The following PAFAH1B2 variants were observed in gnomAD, a reference collection of about 807,000 sequenced individuals.
The protein encoded by PAFAH1B2 is platelet activating factor acetylhydrolase 1b catalytic subunit 2.
PAFAH1B2 carries 8 observed loss-of-function variants against 28.0 expected under a neutral mutation model. That is an observed-to-expected ratio of 0.29 (90% confidence interval 0.17 to 0.52). PAFAH1B2 has a LOEUF of 0.52. Among genes scored for constraint, PAFAH1B2 ranks in the 20% least tolerant of loss-of-function variants. The pLI is 0.97. For missense variants in PAFAH1B2, 190 were observed against 282.6 expected (o/e 0.67, Z 2.35); for synonymous variants, 104 against 103.2 (o/e 1.01, Z -0.05).
downstream of PAFAH1B2, chr11:117,175,006 A>C: frequency 6.9e-7 from 1 of 1,445,414 alleles, no homozygotes; most frequent in Non-Finnish European, 9.1e-7. Flanking sequence ...TGTGACTTAA[A>C]ATGGAGCTGG....
chr11:117,158,911 C>T (rs1356355361), intron 2 of PAFAH1B2, among the ~76,000 whole-genome samples: 1 of 152,110 alleles, frequency 6.6e-6, no homozygotes, highest in South Asian at 2.1e-4. Flanking sequence ...TCCCAAAGTG[C>T]TGGGATTACC....
At position 117,154,706 on chromosome 11, in the gene PAFAH1B2, AGT is replaced by A. The variant is rs111430847; in HGVS notation, c.81+2181_81+2182del. Among the ~76,000 whole-genome samples the A allele has an allele frequency of 2.6e-3, 401 of 152,284 alleles. 2 individuals carry two copies. Among genetic ancestry groups the A allele is most frequent in the Middle Eastern group, 0.017 (5 of 294 alleles). ...TGATCCTCCTGCCTCAGCCTCCCAA[AGT>A]GTTGGGATTACAGGCATGAGCCACC... is the stretch of plus-strand genomic sequence containing the variant. On this transcript the variant is annotated intron_variant, in intron 2 of 5. Coordinates refer to ENST00000527958, the MANE Select transcript of PAFAH1B2 (RefSeq NM_002572.4).
chr11:117,148,714 G>A (rs1459865900), intron 1 of PAFAH1B2, among the ~76,000 whole-genome samples: 4 of 152,070 alleles, frequency 2.6e-5, no homozygotes, highest in Non-Finnish European at 5.9e-5. Flanking sequence ...CTTAAGCCTA[G>A]GAGTTTGAAT....
chr11:117,153,544 C>G (rs79996795), intron 2 of PAFAH1B2, among the ~76,000 whole-genome samples: 1 of 152,086 alleles, frequency 6.6e-6, no homozygotes, highest in Admixed American at 6.6e-5. Context: ...GCGCCCGCCA[C>G]CACGCTCAGC....
exon 6 of PAFAH1B2, chr11:117,176,127 T>C (rs2029969632): frequency 8.6e-6 from 5 of 584,184 alleles, no homozygotes; most frequent in South Asian, 4.3e-5. Flanking sequence ...GAGGTACTAA[T>C]GGGCTGAAGT....
downstream of PAFAH1B2, among the ~76,000 whole-genome samples, chr11:117,173,275 G>A (rs1249000066): frequency 6.6e-6 from 1 of 152,164 alleles, no homozygotes; most frequent in African/African-American, 2.4e-5. Flanking sequence ...AATGGAAAGT[G>A]ACTGACCTAT....
intron 1 of PAFAH1B2, among the ~76,000 whole-genome samples, chr11:117,150,179 A>C (rs1162491079): frequency 2.0e-5 from 3 of 152,144 alleles, no homozygotes; most frequent in Non-Finnish European, 4.4e-5. Flanking sequence ...TAAATTAATA[A>C]TTTTTTGGTT....
downstream of PAFAH1B2, among the ~76,000 whole-genome samples, chr11:117,172,378 ATATATATATATATATATATATATATATTT>A (rs1956678472): frequency 1.2e-3 from 9 of 7,780 alleles, 1 homozygote; most frequent in East Asian, 8.3e-3. Context: ...ATATATATAT[ATATATATATATATATATATATATATATTT>A]TTTTTTTTTT....
At chr11:117,146,110 CTTTCTT>C (rs1391363981) in intron 1 of PAFAH1B2, among the ~76,000 whole-genome samples, 23 of 105,542 alleles carry the variant, frequency 2.2e-4, no homozygotes, top group East Asian at 7.0e-4. Context: ...CTTGGTCTTT[CTTTCTT>C]TTTTTTTTTT....
rs1471448613 is a variant in PAFAH1B2, at chr11:117,169,585, T to A, written c.*1886T>A. ...TTGTGAAGTCTCTTTCTAGAAAATT[T>A]TTTGGTTTTGTTCTTTTTAAAAAAT... On this transcript the variant is annotated 3_prime_UTR_variant, in exon 6 of 6. Transcript: ENST00000527958. The A allele has an allele frequency of 1.9e-6, 2 of 1,054,282 alleles. No homozygotes were observed. The highest frequency in any genetic ancestry group is 2.3e-6 in the Non-Finnish European group (2 of 872,142). 65.3% of individuals were successfully genotyped at this position (1,054,282 alleles called of 1,614,324 possible).
At chr11:117,164,891 C>G (rs550247741) in intron 5 of PAFAH1B2, among the ~76,000 whole-genome samples, 1 of 151,804 alleles carries the variant, frequency 6.6e-6, no homozygotes, top group Non-Finnish European at 1.5e-5. Flanking sequence ...AAAAAATTAG[C>G]TGGGCGTGGT....
chr11:117,161,653 C>T (rs567761988), intron 4 of PAFAH1B2, among the ~76,000 whole-genome samples: 7 of 151,768 alleles, frequency 4.6e-5, no homozygotes, highest in Non-Finnish European at 7.4e-5. Flanking sequence ...GGATTACAGG[C>T]GCCGCCACTG....
intron 1 of PAFAH1B2, among the ~76,000 whole-genome samples, chr11:117,149,891 G>A (rs924995520): frequency 2.6e-5 from 4 of 152,014 alleles, no homozygotes; most frequent in Admixed American, 6.6e-5. Context: ...TCAGGAGTTC[G>A]AGACCAGTCT....
chr11:117,149,622 C>T (rs1261353715), intron 1 of PAFAH1B2, among the ~76,000 whole-genome samples: 4 of 148,418 alleles, frequency 2.7e-5, no homozygotes, highest in Non-Finnish European at 4.5e-5. Context: ...TTAGTAGATA[C>T]GGGGTTTCAC....
At position 117,168,445 on chromosome 11, in the gene PAFAH1B2, C is replaced by CTTTTTTTTTTTTTT. The variant is rs1565274998; in HGVS notation, c.*746_*747insTTTTTTTTTTTTTT. 6 of 354,302 alleles carry CTTTTTTTTTTTTTT rather than the reference C, an allele frequency of 1.7e-5. No individual in the cohort carries two copies. Among genetic ancestry groups the CTTTTTTTTTTTTTT allele is most frequent in the Non-Finnish European group, 2.0e-5 (6 of 293,422 alleles). The allele number at this position is 354,302 out of a possible 1,614,324, so 21.9% of individuals were successfully genotyped here. On this transcript the variant is annotated 3_prime_UTR_variant, in exon 6 of 6. Transcript: ENST00000527958. ...TTCCCCTTCATTCCCCCCGCCACCC[C>CTTTTTTTTTTTTTT]GTTTTTTTTTTTTTTTTTTTTTTTT...
At position 117,161,098 on chromosome 11, in the gene PAFAH1B2, C is replaced by G. The variant is rs759868106; in HGVS notation, c.172-47C>G. The G allele has an allele frequency of 3.3e-6, 4 of 1,221,950 alleles. No homozygotes were observed. The South Asian group carries it at 5.2e-5, about 16-fold the overall frequency. 75.7% of individuals were successfully genotyped at this position (1,221,950 alleles called of 1,614,324 possible). Reference sequence around the variant, plus strand: ...AACACATTGCAGTCGAAAGATTAAACTTTCCCCTAGTTTTAGGTACACTAA... The same window carrying G: ...AACACATTGCAGTCGAAAGATTAAAGTTTCCCCTAGTTTTAGGTACACTAA... On this transcript the variant is annotated intron_variant, in intron 3 of 5. Transcript: ENST00000527958.
rs935557373 is a variant in PAFAH1B2, at chr11:117,151,708, G to GT, written c.-7-723dup. ...TCATTGCAGTAGTAATTCTGTAAGT[G>GT]TTTTTTTTTTGAGACAGAGTCTTGC... On this transcript the variant is annotated intron_variant, in intron 1 of 5. Coordinates refer to ENST00000527958, the MANE Select transcript of PAFAH1B2 (RefSeq NM_002572.4). 9.1e-4 allele frequency among the ~76,000 whole-genome samples: 133 copies of GT among 146,864 alleles called. 2 individuals are homozygous for GT. The highest frequency in any genetic ancestry group is 1.9e-3 in the Admixed American group (28 of 14,668).
intron 5 of PAFAH1B2, among the ~76,000 whole-genome samples, chr11:117,166,519 A>G (rs1956514296): frequency 6.6e-6 from 1 of 152,250 alleles, no homozygotes. Flanking sequence ...TCACATTACA[A>G]TTATGAGGGC....
chr11:117,144,379 C>A lies in PAFAH1B2; in HGVS notation c.-47C>A. On this transcript the variant is annotated 5_prime_UTR_variant, in exon 1 of 6. Coordinates refer to ENST00000527958, the MANE Select transcript of PAFAH1B2 (RefSeq NM_002572.4). Reference sequence around the variant, plus strand: ...GAGCGACCGACGCGCCACCCGCCGACGCCTCAGCCGCTTGGGGCCCGCACG... The same window carrying A: ...GAGCGACCGACGCGCCACCCGCCGAAGCCTCAGCCGCTTGGGGCCCGCACG... The A allele has an allele frequency of 2.4e-6, 1 of 417,530 alleles. No individual in the cohort carries two copies. Among genetic ancestry groups the A allele is most frequent in the Non-Finnish European group, 4.9e-6 (1 of 204,814 alleles). 25.9% of individuals were successfully genotyped at this position (417,530 alleles called of 1,614,324 possible).
Sources: gnomAD v4.1 joint callset for allele counts (sites outside exome capture counted in the v4.1 genomes callset) on GRCh38, gnomAD v4.1.1 for gene constraint, MANE v1.5 for transcripts, NCBI Gene and HGNC (gene_info 2026-07-23, HGNC 2026-07-21) for gene names.